The following PCDHA5 variants were observed in gnomAD, a reference collection of about 807,000 sequenced individuals.
The protein encoded by PCDHA5 is protocadherin alpha-5.
PCDHA5 carries 43 observed loss-of-function variants against 61.6 expected under a neutral mutation model. That is an observed-to-expected ratio of 0.70 (90% CI 0.55 to 0.90). PCDHA5 has a LOEUF of 0.90. Among genes scored for constraint, PCDHA5 ranks in the 40% least tolerant of loss-of-function variants. PCDHA5 has a pLI of 0.00. For missense variants in PCDHA5, 1,298 were observed against 1,222.7 expected (o/e 1.06, Z -0.92); for synonymous variants, 627 against 543.9 (o/e 1.15, Z -2.13).
intron 1 of PCDHA5, among the ~76,000 whole-genome samples, chr5:140,945,084 G>A (rs2093736806): frequency 6.6e-6 from 1 of 151,822 alleles, no homozygotes; most frequent in Admixed American, 6.6e-5. Context: ...AACACTCTTG[G>A]AACTAATAAA....
chr5:140,886,697 G>A (rs1230801248), intron 1 of PCDHA5, among the ~76,000 whole-genome samples: 4 of 151,750 alleles, frequency 2.6e-5, no homozygotes. Context: ...ATGGTGGCAC[G>A]CGCCTGTAAT....
rs2150132221 is a variant in PCDHA5 at position 140,824,107 on chromosome 5, G to T, written c.2332G>T (p.Gly778Cys). ...LMAFSPSLPQ[G>C]PTSTDNPRQP... ...GGCCTTCAGTCCAAGCCTTCCTCAG[G>T]GTCCCACCTCTACAGACAACGTGAG... Residue 778 changes from glycine to cysteine, a missense_variant, in exon 1 of 4, where the codon GGT becomes TGT. Transcript: ENST00000529859. The T allele has an allele frequency of 6.2e-6, 10 of 1,613,972 alleles. No homozygotes were observed. In the South Asian group the frequency reaches 9.9e-5, roughly 16 times the overall value.
rs1212055845 is a variant in PCDHA5 at position 140,857,419 on chromosome 5, C to T, written c.2352+33292C>T. On this transcript the variant is annotated intron_variant, in intron 1 of 3. Coordinates refer to ENST00000529859, the MANE Select transcript of PCDHA5 (RefSeq NM_018908.3). ...ACAACGCGCCTGCGTTCGCGCAGTC[C>T]GAGTACACGGTGTTCGTGAAGGAGA... The T allele has an allele frequency of 3.1e-6, 5 of 1,598,216 alleles. 1 individual carries two copies. The African/African-American group carries it at 6.7e-5, about 22-fold the overall frequency.
At chr5:140,829,924 G>A (rs141677964) in intron 1 of PCDHA5, 8 of 1,613,896 alleles carry the variant, frequency 5.0e-6, no homozygotes, top group Non-Finnish European at 6.8e-6. Flanking sequence ...CGTATGAGCT[G>A]CAGCCCCCGG....
chr5:140,853,963 A>G (rs1458848768), intron 1 of PCDHA5: 2 of 685,274 alleles, frequency 2.9e-6, no homozygotes, highest in African/African-American at 2.0e-5. Flanking sequence ...CCTTGAGCCC[A>G]GCAGTTTGAG....
intron 1 of PCDHA5, among the ~76,000 whole-genome samples, chr5:140,938,866 G>A (rs1372323218): frequency 2.6e-5 from 4 of 152,040 alleles, no homozygotes; most frequent in African/African-American, 9.7e-5. Context: ...GAACTTAAAA[G>A]TTAAGAAGCA....
At chr5:140,884,063 G>A in intron 1 of PCDHA5, 3 of 1,613,496 alleles carry the variant, frequency 1.9e-6, no homozygotes, top group Non-Finnish European at 1.7e-6. Flanking sequence ...CGCGGTGGAC[G>A]CCGATTCGGG....
At chr5:140,864,861 G>C (rs2048633310) in intron 1 of PCDHA5, 1 of 152,100 alleles carries the variant, frequency 6.6e-6, no homozygotes, top group African/African-American at 2.4e-5. Flanking sequence ...ATGATGAAGG[G>C]TGATACCATT....
chr5:140,831,988 G>T (rs1771788982), intron 1 of PCDHA5, among the ~76,000 whole-genome samples: 1 of 152,168 alleles, frequency 6.6e-6, no homozygotes, highest in Admixed American at 6.6e-5. Flanking sequence ...TCTCATTACG[G>T]ATTCCATATT....
rs2150125210 is a variant in PCDHA5 at position 140,823,380 on chromosome 5, C to G, written c.1605C>G (p.Ser535Arg). Residue 535 changes from serine (S) to arginine (R), a missense_variant, in exon 1 of 4, where the codon AGC becomes AGG. Transcript: ENST00000529859. ...TGGAGCTGCTGCAGTTCCAGGTGAG[C>G]GCGCGCGACGCGGGCGTGCCGCCTC... ...EEVELLQFQV[S>R]ARDAGVPPLG... 1.2e-5 allele frequency: 20 copies of G among 1,612,570 alleles called. No homozygotes were observed. Among genetic ancestry groups the G allele is most frequent in the Non-Finnish European group, 1.6e-5 (19 of 1,179,794 alleles).
intron 1 of PCDHA5, among the ~76,000 whole-genome samples, chr5:140,910,741 A>G (rs1349649150): frequency 1.3e-5 from 2 of 152,142 alleles, no homozygotes; most frequent in African/African-American, 2.4e-5. Flanking sequence ...AACCAAGCAC[A>G]TAAATTATCA....
rs1214485732 is a variant in PCDHA5, at chr5:141,010,285, C to T, written c.*348C>T. On this transcript the variant is annotated 3_prime_UTR_variant, in exon 4 of 4. Coordinates refer to ENST00000529859, the MANE Select transcript of PCDHA5 (RefSeq NM_018908.3). The stretch of plus-strand genomic sequence containing the variant: ...CTCCGGGGATCCTGTCTTGATGACA[C>T]TTGCAGGGCAGGCTGAAAAGTTTTG... The T allele has an allele frequency of 1.3e-6, 2 of 1,550,458 alleles. No homozygotes were observed. The highest frequency in any genetic ancestry group is 1.7e-6 in the Non-Finnish European group (2 of 1,146,698).
Position 140,834,605 on chromosome 5 carries a change from T to G in PCDHA5, c.2352+10478T>G, listed in dbSNP as rs2150222820. 19 of 1,613,994 alleles carry G rather than the reference T, an allele frequency of 1.2e-5. No homozygotes were observed. The South Asian group carries it at 2.1e-4, about 18-fold the overall frequency. On this transcript the variant is annotated intron_variant, in intron 1 of 3. Coordinates refer to ENST00000529859, the MANE Select transcript of PCDHA5 (RefSeq NM_018908.3). Reference sequence around the variant, plus strand: ...CGGTGTGCAAATTCCGTGGGGATCTTCTGGAGGTAAATCTGCAGAATGGCA... The same window carrying G: ...CGGTGTGCAAATTCCGTGGGGATCTGCTGGAGGTAAATCTGCAGAATGGCA...
At chr5:140,920,662 G>A (rs2079759376) in intron 1 of PCDHA5, among the ~76,000 whole-genome samples, 1 of 152,044 alleles carries the variant, frequency 6.6e-6, no homozygotes, top group Admixed American at 6.6e-5. Context: ...TTGCCAACAT[G>A]GTGAAACCCC....
chr5:140,933,503 AAAGACT>A (rs2089194435), intron 1 of PCDHA5, among the ~76,000 whole-genome samples: 1 of 152,098 alleles, frequency 6.6e-6, no homozygotes, highest in Non-Finnish European at 1.5e-5. Flanking sequence ...ATTGTTAAGC[AAAGACT>A]ACAGCTGTTT....
In PCDHA5 at chr5:141,009,724, T is replaced by A. The variant is rs1554262325; in HGVS notation, c.2598T>A (p.Gly866=). The change falls in exon 4 of 4, where the codon GGT becomes GGA. Residue 866 remains glycine (G), a synonymous_variant. Transcript: ENST00000529859. ...KYGPGNPKQS[G]PGELPDKFII... is the part of the protein sequence containing the mutation. ...GACCAGGCAACCCCAAACAATCCGG[T>A]CCCGGTGAGTTGCCCGACAAATTCA... 6.2e-7 allele frequency: 1 copy of A among 1,614,116 alleles called. No individual in the cohort carries two copies. The highest frequency in any genetic ancestry group is 2.2e-5 in the East Asian group (1 of 44,868).
intron 1 of PCDHA5, among the ~76,000 whole-genome samples, chr5:140,943,885 T>C (rs762067236): frequency 6.6e-5 from 10 of 152,242 alleles, no homozygotes; most frequent in Non-Finnish European, 1.2e-4. Flanking sequence ...TTCATTGGAC[T>C]GGTCATTATG....
intron 1 of PCDHA5, among the ~76,000 whole-genome samples, chr5:140,932,121 T>C (rs1343821167): frequency 6.6e-6 from 1 of 151,956 alleles, no homozygotes; most frequent in Non-Finnish European, 1.5e-5. Context: ...ATTGATAATA[T>C]TTAAGATATA....
chr5:140,842,034 A>G, intron 1 of PCDHA5: 1 of 1,613,854 alleles, frequency 6.2e-7, no homozygotes, highest in Non-Finnish European at 8.5e-7. Context: ...GTGAATGATA[A>G]TGCTCCCACT....
Sources: gnomAD v4.1 joint callset for allele counts (sites outside exome capture counted in the v4.1 genomes callset) on GRCh38, gnomAD v4.1.1 for gene constraint, MANE v1.5 for transcripts, NCBI Gene and HGNC (gene_info 2026-07-23, HGNC 2026-07-21) for gene names.